The following INPP4B variants were observed in gnomAD, a reference collection of about 807,000 sequenced individuals.
INPP4B encodes inositol polyphosphate-4-phosphatase type II B.
Under a neutral mutation model 122.5 loss-of-function variants are expected in INPP4B, and 55 were observed. That is an observed-to-expected ratio of 0.45 (90% CI 0.36 to 0.56). The LOEUF (loss-of-function observed/expected upper bound fraction) is 0.56, where lower values mean the gene tolerates loss of function less well. INPP4B is among the 20% of genes least tolerant of loss of function. The probability of loss-of-function intolerance (pLI) is 0.00; values close to 1 mark genes in which losing one functional copy is unlikely to be tolerated. For missense variants in INPP4B, 1,000 were observed against 1,097.7 expected (o/e 0.91, Z 1.26); for synonymous variants, 403 against 388.7 (o/e 1.04, Z -0.43).
chr4:142,384,494 A>G (rs918856410), intron 7 of INPP4B, among the ~76,000 whole-genome samples: 2 of 152,160 alleles, frequency 1.3e-5, no homozygotes, highest in African/African-American at 2.4e-5. Context: ...TTGTAACACA[A>G]TGGTAAGTAT....
intron 2 of INPP4B, among the ~76,000 whole-genome samples, chr4:142,578,446 C>T (rs1202548093): frequency 6.6e-6 from 1 of 151,948 alleles, no homozygotes; most frequent in Non-Finnish European, 1.5e-5. Context: ...GTTCTGGACG[C>T]TAGAAGTCCA....
rs77561012 is a variant in INPP4B at position 142,279,368 on chromosome 4, C to A, written c.504-8594G>T. 1.3e-3 allele frequency among the ~76,000 whole-genome samples: 204 copies of A among 151,946 alleles called. 1 individual carries two copies. Among genetic ancestry groups the A allele is most frequent in the African/African-American group, 4.7e-3 (196 of 41,506 alleles). ...AAATAAAATGAAGGAATTGAACTAACTGATTTTAAGATACATTGTAAATCT... is the reference window on the plus strand; with the variant it reads ...AAATAAAATGAAGGAATTGAACTAAATGATTTTAAGATACATTGTAAATCT... On this transcript the variant is annotated intron_variant, in intron 9 of 25. Transcript: ENST00000262992.
intron 18 of INPP4B, among the ~76,000 whole-genome samples, chr4:142,125,714 T>G (rs567306778): frequency 2.0e-5 from 3 of 152,236 alleles, no homozygotes; most frequent in African/African-American, 7.2e-5. Context: ...TGAGCTGACT[T>G]CCTTTTGTGC....
intron 21 of INPP4B, among the ~76,000 whole-genome samples, chr4:142,114,102 A>C (rs1485919525): frequency 6.6e-6 from 1 of 151,980 alleles, no homozygotes; most frequent in Non-Finnish European, 1.5e-5. Context: ...CACCTAGCAT[A>C]ATGTTTTTGA....
chr4:142,528,986 T>C (rs1477382633), intron 2 of INPP4B, among the ~76,000 whole-genome samples: 1 of 152,102 alleles, frequency 6.6e-6, no homozygotes, highest in Non-Finnish European at 1.5e-5. Flanking sequence ...CTGGCAGCAG[T>C]GTCTAAACAA....
intron 1 of INPP4B, among the ~76,000 whole-genome samples, chr4:142,763,144 G>A (rs531283862): frequency 6.6e-6 from 1 of 152,200 alleles, no homozygotes; most frequent in South Asian, 2.1e-4. Context: ...TGTCATCTTG[G>A]AGAAGTCCTT....
intron 11 of INPP4B, among the ~76,000 whole-genome samples, chr4:142,252,986 G>A (rs576194798): frequency 4.6e-5 from 7 of 152,278 alleles, no homozygotes; most frequent in East Asian, 1.9e-4. Flanking sequence ...ACACACCTAC[G>A]CTCCAGGGTA....
At chr4:142,359,774 T>C (rs191692426) in intron 7 of INPP4B, among the ~76,000 whole-genome samples, 1 of 152,140 alleles carries the variant, frequency 6.6e-6, no homozygotes, top group Non-Finnish European at 1.5e-5. Context: ...ATTTCAAGGA[T>C]GTCTAGCTTT....
intron 18 of INPP4B, among the ~76,000 whole-genome samples, chr4:142,144,379 TA>T: frequency 6.6e-6 from 1 of 151,992 alleles, no homozygotes; most frequent in Admixed American, 6.6e-5. Context: ...TGCTAAAAAA[TA>T]ATATGCCTTG....
chr4:142,755,670 T>A (rs1399648803), intron 1 of INPP4B, among the ~76,000 whole-genome samples: 1 of 152,080 alleles, frequency 6.6e-6, no homozygotes, highest in Non-Finnish European at 1.5e-5. Context: ...TGGGCTTTAA[T>A]TAATTTGCTT....
chr4:142,696,842 T>C (rs916486365), intron 2 of INPP4B, among the ~76,000 whole-genome samples: 4 of 152,202 alleles, frequency 2.6e-5, no homozygotes, highest in African/African-American at 9.7e-5. Context: ...ATTGTAAAAT[T>C]ACTTATTAAA....
chr4:142,415,158 C>G (rs1805418125), intron 5 of INPP4B, among the ~76,000 whole-genome samples: 1 of 152,086 alleles, frequency 6.6e-6, no homozygotes, highest in South Asian at 2.1e-4. Flanking sequence ...CTGTCCAGTA[C>G]AAGCATATGG....
chr4:142,496,687 T>C (rs939566511), intron 2 of INPP4B, among the ~76,000 whole-genome samples: 1 of 152,326 alleles, frequency 6.6e-6, no homozygotes, highest in South Asian at 2.1e-4. Flanking sequence ...GCAGCAAATG[T>C]ATTCCTATAT....
At chr4:142,310,767 A>G (rs912120249) in intron 8 of INPP4B, among the ~76,000 whole-genome samples, 3 of 152,008 alleles carry the variant, frequency 2.0e-5, no homozygotes, top group African/African-American at 7.2e-5. Context: ...AACTATTAAC[A>G]TTGAAAAATA....
chr4:142,353,639 T>G (rs1782658024), intron 7 of INPP4B, among the ~76,000 whole-genome samples: 1 of 152,062 alleles, frequency 6.6e-6, no homozygotes, highest in Non-Finnish European at 1.5e-5. Context: ...TCTAGGATTA[T>G]CTGATTGCTG....
chr4:142,334,234 C>T (rs141439380), intron 7 of INPP4B, among the ~76,000 whole-genome samples: 1,533 of 152,236 alleles, frequency 0.01, 25 homozygotes, highest in African/African-American at 0.034. Context: ...TATGTATACA[C>T]GCACATATAC....
chr4:142,575,428 G>A (rs541877886), intron 2 of INPP4B, among the ~76,000 whole-genome samples: 34 of 151,914 alleles, frequency 2.2e-4, no homozygotes, highest in Non-Finnish European at 4.9e-4. Flanking sequence ...AGATTAATTA[G>A]CTAATTCTAT....
intron 12 of INPP4B, among the ~76,000 whole-genome samples, chr4:142,235,912 G>T (rs1034048713): frequency 6.6e-6 from 1 of 152,046 alleles, no homozygotes. Flanking sequence ...TTCTTTGTGT[G>T]GTGAACATCA....
intron 8 of INPP4B, among the ~76,000 whole-genome samples, chr4:142,308,374 A>G (rs1190419019): frequency 6.6e-6 from 1 of 152,198 alleles, no homozygotes; most frequent in Non-Finnish European, 1.5e-5. Context: ...AATCCTAAAA[A>G]TAACTGTATA....
Sources: allele counts gnomAD v4.1 joint callset (sites outside exome capture counted in the v4.1 genomes callset), GRCh38; gene constraint gnomAD v4.1.1; transcripts MANE v1.5; gene names NCBI Gene and HGNC (gene_info 2026-07-23, HGNC 2026-07-21).